The following KMT2C variants were observed in gnomAD, a reference collection of about 807,000 sequenced individuals.
The protein encoded by KMT2C is histone-lysine N-methyltransferase 2C.
Under a neutral mutation model 507.9 loss-of-function variants are expected in KMT2C, and 88 were observed. The observed-to-expected ratio is 0.17, with a 90% CI of 0.15 to 0.21. The LOEUF is 0.21. Ranked by LOEUF, KMT2C falls within the 10% of genes least tolerant of loss-of-function variation. KMT2C has a pLI of 1.00. For missense variants in KMT2C, 4,954 were observed against 5,957.8 expected (o/e 0.83, Z 5.55); for synonymous variants, 2,049 against 2,080.8 (o/e 0.98, Z 0.42).
At chr7:152,219,118 T>A (rs1327751341) in intron 23 of KMT2C, among the ~76,000 whole-genome samples, 3 of 151,888 alleles carry the variant, frequency 2.0e-5, no homozygotes, top group Non-Finnish European at 2.9e-5. Flanking sequence ...TACAGGTGCA[T>A]GCCACTGAGC....
intron 6 of KMT2C, among the ~76,000 whole-genome samples, chr7:152,307,264 AG>A (rs1359692669): frequency 3.3e-5 from 4 of 119,538 alleles, no homozygotes; most frequent in African/African-American, 4.0e-5. Context: ...GTAGGAAGGA[AG>A]GAAGGAAGAA....
chr7:152,203,302 G>A (rs552521525), intron 25 of KMT2C, among the ~76,000 whole-genome samples: 4 of 151,698 alleles, frequency 2.6e-5, no homozygotes, highest in African/African-American at 7.2e-5. Context: ...AAGCAAAAAC[G>A]TATTTATTTA....
At position 152,177,139 on chromosome 7, in the gene KMT2C, T is replaced by C. The variant is rs1367970013; in HGVS notation, c.8314A>G (p.Met2772Val). 2 of 1,613,738 alleles carry C rather than the reference T, an allele frequency of 1.2e-6. No homozygotes were observed. Among genetic ancestry groups the C allele is most frequent in the Non-Finnish European group, 8.5e-7 (1 of 1,179,954 alleles). ...GGAAGGTCTAGTTCCTCATTAAACA[T>C]GCTTTTCTTATCTCCCATGTCAAGT... Reference protein sequence around the residue: ...PELDMGDKKSMFNEELDLPID... With the variant: ...PELDMGDKKSVFNEELDLPID... Residue 2772 changes from methionine to valine, a missense_variant, in exon 38 of 59, where the codon ATG (methionine) becomes GTG (valine). Transcript: ENST00000262189.
In KMT2C at chr7:152,156,282, G is replaced by A. The variant is rs2092039968; in HGVS notation, c.11735C>T (p.Ala3912Val). The A allele has an allele frequency of 1.2e-6, 2 of 1,614,124 alleles. No homozygotes were observed. The highest frequency in any genetic ancestry group is 1.7e-6 in the Non-Finnish European group (2 of 1,179,992). The change falls in exon 45 of 59, where the codon GCT becomes GTT. Residue 3912 changes from alanine to valine, a missense_variant. By Grantham distance (64) the Ala-to-Val change is moderately conservative. Transcript: ENST00000262189. ...ASLPPTPPPM[A>V]CQKMANGFAT... Reference sequence around the variant, plus strand: ...AAAACCATTGGCCATCTTCTGACAAGCCATAGGAGGTGGTGTAGGAGGAAG... The same window carrying A: ...AAAACCATTGGCCATCTTCTGACAAACCATAGGAGGTGGTGTAGGAGGAAG...
Position 152,180,917 on chromosome 7 carries a change from T to C in KMT2C, c.6943A>G (p.Thr2315Ala), listed in dbSNP as rs745858066. ...GCAACATCATGGGCAGTTTGACTTG[T>C]TCCAAAAGAGTCAGACTGAGATCTT... ...TPRSQSDSFG[T>A]SQTAHDVADQ... Residue 2315 changes from threonine to alanine, a missense_variant, in exon 36 of 59, where the codon ACA becomes GCA. Physicochemically the swap from Thr to Ala is moderately conservative, Grantham distance 58. Transcript: ENST00000262189. 6.2e-7 allele frequency: 1 copy of C among 1,614,160 alleles called. No homozygotes were observed. The highest frequency in any genetic ancestry group is 1.1e-5 in the South Asian group (1 of 91,076).
At chr7:152,214,681 A>C (rs2094530713) in intron 23 of KMT2C, among the ~76,000 whole-genome samples, 1 of 152,218 alleles carries the variant, frequency 6.6e-6, no homozygotes, top group Admixed American at 6.5e-5. Context: ...AAAGTATACT[A>C]AATAAAGTAA....
intron 24 of KMT2C, among the ~76,000 whole-genome samples, chr7:152,206,852 CTCTG>C (rs1368017031): frequency 1.3e-5 from 2 of 152,150 alleles, no homozygotes; most frequent in African/African-American, 2.4e-5. Flanking sequence ...GCCATAATAA[CTCTG>C]TCTTATTCCC....
intron 1 of KMT2C, among the ~76,000 whole-genome samples, chr7:152,421,582 C>T (rs1437039059): frequency 6.6e-6 from 1 of 152,116 alleles, no homozygotes; most frequent in Admixed American, 6.6e-5. Context: ...TGAAATGATC[C>T]TTTGCAACAG....
intron 8 of KMT2C, 86 bp from the exon 9 acceptor site, chr7:152,263,216 G>T: frequency 8.8e-7 from 1 of 1,134,366 alleles, no homozygotes; most frequent in South Asian, 1.5e-5. Context: ...TCAGTCCTGG[G>T]AACTGCACAG....
intron 52 of KMT2C, among the ~76,000 whole-genome samples, chr7:152,147,625 T>C (rs2091236129): frequency 6.8e-6 from 1 of 147,412 alleles, no homozygotes; most frequent in South Asian, 2.1e-4. Flanking sequence ...GAGAATCACT[T>C]GAACCCAGGA....
intron 23 of KMT2C, among the ~76,000 whole-genome samples, chr7:152,215,675 A>AT (rs1370578331): frequency 6.9e-6 from 1 of 145,556 alleles, no homozygotes. Flanking sequence ...AAAAGGAACA[A>AT]AATATATATA....
At chr7:152,217,457 T>C (rs1001499091) in intron 23 of KMT2C, among the ~76,000 whole-genome samples, 1 of 152,208 alleles carries the variant, frequency 6.6e-6, no homozygotes, top group Non-Finnish European at 1.5e-5. Context: ...TCCCTAGGAA[T>C]GTACCTTTCC....
chr7:152,316,140 A>C (rs2096720851), intron 3 of KMT2C, among the ~76,000 whole-genome samples: 1 of 152,168 alleles, frequency 6.6e-6, no homozygotes, highest in African/African-American at 2.4e-5. Context: ...TTTTTAGGGA[A>C]GCAGAAGAGC....
chr7:152,392,556 T>C (rs1482373190), intron 1 of KMT2C, among the ~76,000 whole-genome samples: 37 of 152,218 alleles, frequency 2.4e-4, no homozygotes, highest in Non-Finnish European at 4.4e-5. Context: ...TGCTCAGCAT[T>C]CCACATGCAT....
At chr7:152,242,952 T>G (rs1488354454) in intron 14 of KMT2C, among the ~76,000 whole-genome samples, 1 of 152,068 alleles carries the variant, frequency 6.6e-6, no homozygotes. Flanking sequence ...TTAGGAAAAG[T>G]GAAAGCAATG....
chr7:152,137,205 T>C (rs2089956474), intron 58 of KMT2C: 1 of 318,510 alleles, frequency 3.1e-6, no homozygotes, highest in Non-Finnish European at 5.9e-6. Flanking sequence ...ATGCTGTCCC[T>C]GCAAGTGGAT....
At chr7:152,329,029 G>A (rs2096856044) in intron 3 of KMT2C, among the ~76,000 whole-genome samples, 1 of 151,962 alleles carries the variant, frequency 6.6e-6, no homozygotes, top group African/African-American at 2.4e-5. Flanking sequence ...TGGAGTTCAG[G>A]TAAAGAAGAG....
chr7:152,343,514 G>A (rs2129221257), intron 2 of KMT2C, among the ~76,000 whole-genome samples: 1 of 147,896 alleles, frequency 6.8e-6, no homozygotes, highest in African/African-American at 2.5e-5. Context: ...AACATGTAAT[G>A]GAAATACCAA....
At chr7:152,423,811 G>A (rs1212007410) in intron 1 of KMT2C, among the ~76,000 whole-genome samples, 1 of 152,018 alleles carries the variant, frequency 6.6e-6, no homozygotes, top group Non-Finnish European at 1.5e-5. Context: ...CAAGAGTCCA[G>A]GATGCTCAAA....
Sources: gnomAD v4.1 joint callset for allele counts (sites outside exome capture counted in the v4.1 genomes callset) on GRCh38, gnomAD v4.1.1 for gene constraint, MANE v1.5 for transcripts, NCBI Gene and HGNC (gene_info 2026-07-23, HGNC 2026-07-21) for gene names.